ACVR2A: variants seen among roughly 807,000 people sequenced by gnomAD.
The protein encoded by ACVR2A is activin A receptor type 2A, also known as activin receptor type-2A.
A neutral mutation model predicts 61.4 loss-of-function variants in ACVR2A; 7 were observed. The ratio of observed to expected loss-of-function variants is 0.11; its 90% CI spans 0.06 to 0.21. The LOEUF is 0.21. ACVR2A is among the 10% of genes least tolerant of loss of function. ACVR2A has a pLI of 1.00. For synonymous variants in ACVR2A, 193 were observed against 208.3 expected (o/e 0.93, Z 0.63); for missense variants, 322 against 621.7 (o/e 0.52, Z 5.13).
rs917302089 is a variant in ACVR2A at position 147,874,326 on chromosome 2, A to G, written c.56-21975A>G. On this transcript the variant is annotated intron_variant, in intron 1 of 10. Coordinates refer to ENST00000241416, the MANE Select transcript of ACVR2A (RefSeq NM_001616.5). ...AGAATTACATGGATTAAATGAGATTATATATGTAGCAACTTTGACTAGTAT... is the reference window on the plus strand; with the variant it reads ...AGAATTACATGGATTAAATGAGATTGTATATGTAGCAACTTTGACTAGTAT... Among the ~76,000 whole-genome samples the G allele has an allele frequency of 3.3e-5, 5 of 152,044 alleles. No homozygotes were observed. In the South Asian group the frequency reaches 1.0e-3, roughly 31 times the overall value.
chr2:147,887,783 C>A (rs775606738), intron 1 of ACVR2A, among the ~76,000 whole-genome samples: 1 of 151,956 alleles, frequency 6.6e-6, no homozygotes, highest in African/African-American at 2.4e-5. Flanking sequence ...TGTAGAAGAA[C>A]GTATATAGAC....
chr2:147,884,239 C>A (rs985460845), intron 1 of ACVR2A, among the ~76,000 whole-genome samples: 18 of 152,136 alleles, frequency 1.2e-4, no homozygotes, highest in Non-Finnish European at 2.4e-4. Context: ...ATTATCCCTT[C>A]TCCCCGCAAA....
At chr2:147,912,068 C>T (rs1451461354) in intron 4 of ACVR2A, among the ~76,000 whole-genome samples, 1 of 151,854 alleles carries the variant, frequency 6.6e-6, no homozygotes, top group Non-Finnish European at 1.5e-5. Context: ...GAGGTTTAAG[C>T]GTTTAATTAG....
At chr2:147,912,171 G>T (rs1353766226) in intron 4 of ACVR2A, among the ~76,000 whole-genome samples, 3 of 151,962 alleles carry the variant, frequency 2.0e-5, no homozygotes, top group African/African-American at 4.8e-5. Context: ...TTATTCCACT[G>T]TTGGTTATAG....
At chr2:147,926,613 C>T (rs992431907) in intron 10 of ACVR2A, among the ~76,000 whole-genome samples, 2 of 151,838 alleles carry the variant, frequency 1.3e-5, no homozygotes, top group Non-Finnish European at 2.9e-5. Flanking sequence ...CTATAGAGAC[C>T]AGGCACATAA....
intron 1 of ACVR2A, 55 bp downstream of exon 1, chr2:147,845,262 T>G (rs1417892127): frequency 6.6e-7 from 1 of 1,515,880 alleles, no homozygotes; most frequent in African/African-American, 1.4e-5. Context: ...CGGCGGCCGC[T>G]GCTGGGGGCC....
intron 4 of ACVR2A, among the ~76,000 whole-genome samples, chr2:147,910,520 A>T (rs981029058): frequency 6.6e-6 from 1 of 152,126 alleles, no homozygotes; most frequent in Non-Finnish European, 1.5e-5. Context: ...CAGGAAGAAA[A>T]TCTAGAAGGA....
chr2:147,923,489 C>G lies in ACVR2A; in HGVS notation c.1216+378C>G, dbSNP rs1687434549. 2.0e-5 allele frequency among the ~76,000 whole-genome samples: 3 copies of G among 152,044 alleles called. No homozygotes were observed. In the South Asian group the frequency reaches 6.2e-4, roughly 31 times the overall value. ...CCTAGATTTGAAACTCTGATCCAGA[C>G]ATAGGGAGAGGTCTGCTTTAAGGTC... On this transcript the variant is annotated intron_variant, in intron 9 of 10. Transcript: ENST00000241416.
chr2:147,887,756 C>A (rs1686477855), intron 1 of ACVR2A, among the ~76,000 whole-genome samples: 1 of 151,936 alleles, frequency 6.6e-6, no homozygotes, highest in African/African-American at 2.4e-5. Context: ...AAATCTAACC[C>A]CAATGGAATT....
intron 4 of ACVR2A, among the ~76,000 whole-genome samples, chr2:147,905,131 A>G (rs2105200728): frequency 6.6e-6 from 1 of 152,134 alleles, no homozygotes; most frequent in East Asian, 1.9e-4. Context: ...TTTCTCTGTC[A>G]CTTTCCTGAA....
At chr2:147,894,449 A>G (rs1452492413) in intron 1 of ACVR2A, among the ~76,000 whole-genome samples, 2 of 152,138 alleles carry the variant, frequency 1.3e-5, no homozygotes, top group Admixed American at 1.3e-4. Flanking sequence ...GTAACATTAA[A>G]GTCTGCTTTG....
chr2:147,862,939 A>C (rs1685763784), intron 1 of ACVR2A, among the ~76,000 whole-genome samples: 1 of 152,172 alleles, frequency 6.6e-6, no homozygotes, highest in Non-Finnish European at 1.5e-5. Context: ...TGTCATTATT[A>C]ACCACCACTT....
At chr2:147,872,757 T>C (rs1232036624) in intron 1 of ACVR2A, among the ~76,000 whole-genome samples, 1 of 151,928 alleles carries the variant, frequency 6.6e-6, no homozygotes, top group African/African-American at 2.4e-5. Flanking sequence ...GTAGAAGTTA[T>C]ACTTGTCTTT....
chr2:147,880,725 T>G (rs1230647597), intron 1 of ACVR2A, among the ~76,000 whole-genome samples: 1 of 152,224 alleles, frequency 6.6e-6, no homozygotes, highest in Non-Finnish European at 1.5e-5. Flanking sequence ...GGAATTACTT[T>G]TTTACTATTT....
chr2:147,909,813 A>C (rs978984649), intron 4 of ACVR2A, among the ~76,000 whole-genome samples: 2 of 151,772 alleles, frequency 1.3e-5, no homozygotes, highest in Non-Finnish European at 2.9e-5. Context: ...AATTTTTAAA[A>C]AATTTTTTTG....
chr2:147,846,736 T>G (rs1188493207), intron 1 of ACVR2A, among the ~76,000 whole-genome samples: 1 of 152,214 alleles, frequency 6.6e-6, no homozygotes, highest in African/African-American at 2.4e-5. Context: ...CTCTTGCTTT[T>G]GTGACATGAC....
intron 1 of ACVR2A, among the ~76,000 whole-genome samples, chr2:147,855,355 A>G (rs1297680902): frequency 6.6e-6 from 1 of 152,224 alleles, no homozygotes; most frequent in Non-Finnish European, 1.5e-5. Flanking sequence ...CTGGAGAGAT[A>G]GGGACAGGAT....
At chr2:147,905,730 C>T (rs954192447) in intron 4 of ACVR2A, among the ~76,000 whole-genome samples, 12 of 151,920 alleles carry the variant, frequency 7.9e-5, no homozygotes, top group Admixed American at 7.9e-4. Context: ...TAAGTTATCT[C>T]GACATGCAGG....
intron 1 of ACVR2A, among the ~76,000 whole-genome samples, chr2:147,868,577 C>G (rs1458518320): frequency 6.6e-6 from 1 of 151,666 alleles, no homozygotes; most frequent in Admixed American, 6.6e-5. Context: ...TCCCTGCCCC[C>G]CCCAAGGTTT....
Sources: allele counts gnomAD v4.1 joint callset (sites outside exome capture counted in the v4.1 genomes callset), GRCh38; gene constraint gnomAD v4.1.1; transcripts MANE v1.5; gene names NCBI Gene and HGNC (gene_info 2026-07-23, HGNC 2026-07-21).